BORCS5: variants seen among roughly 807,000 people sequenced by gnomAD.
BORCS5 encodes the protein BLOC-1 related complex subunit 5.
In BORCS5, 17 loss-of-function variants were observed where a neutral mutation model predicts 22.1. The ratio of observed to expected loss-of-function variants is 0.77; its 90% CI spans 0.53 to 1.15. The LOEUF is 1.15. Among genes scored for constraint, BORCS5 ranks in the 50% most tolerant of loss-of-function variants. BORCS5 has a pLI of 0.00. For missense variants in BORCS5, 247 were observed against 253.2 expected (o/e 0.98, Z 0.17); for synonymous variants, 117 against 99.8 (o/e 1.17, Z -1.03).
intron 2 of BORCS5, among the ~76,000 whole-genome samples, chr12:12,387,638 T>C (rs1863911614): frequency 6.6e-6 from 1 of 151,540 alleles, no homozygotes; most frequent in Non-Finnish European, 1.5e-5. Flanking sequence ...CTGCATGATA[T>C]ATTCCTTTTA....
At chr12:12,427,157 C>T (rs1183614308) in intron 2 of BORCS5, among the ~76,000 whole-genome samples, 1 of 144,102 alleles carries the variant, frequency 6.9e-6, no homozygotes, top group Non-Finnish European at 1.5e-5. Context: ...TGGTTTTAGA[C>T]TTTCTCTTTC....
intron 3 of BORCS5, among the ~76,000 whole-genome samples, chr12:12,439,677 A>T (rs1942641348): frequency 6.6e-6 from 1 of 152,214 alleles, no homozygotes; most frequent in Non-Finnish European, 1.5e-5. Context: ...ATTCACTTTG[A>T]ATAGTCAGTA....
At chr12:12,428,572 AG>A (rs1555154371) in intron 2 of BORCS5, among the ~76,000 whole-genome samples, 1 of 26,162 alleles carries the variant, frequency 3.8e-5, no homozygotes, top group Admixed American at 3.1e-4. Context: ...ATTAAACTAA[AG>A]AAGAAGTAGA....
Position 12,358,716 on chromosome 12 carries a change from A to G in BORCS5, c.58+1207A>G, listed in dbSNP as rs115867252. ...TACATATAATTTTTGCAGTAATCCC[A>G]TTTTACAGATAAAGTAGTAGAGGTT... On this transcript the variant is annotated intron_variant, in intron 1 of 3. Transcript: ENST00000314565. 8.6e-3 allele frequency among the ~76,000 whole-genome samples: 1,310 copies of G among 152,264 alleles called. 21 individuals are homozygous for G. The highest frequency in any genetic ancestry group is 0.029 in the African/African-American group (1,213 of 41,552).
intron 2 of BORCS5, among the ~76,000 whole-genome samples, chr12:12,432,725 C>G (rs1248412401): frequency 6.6e-6 from 1 of 152,166 alleles, no homozygotes; most frequent in East Asian, 1.9e-4. Flanking sequence ...ATATCAACAA[C>G]ATAGACACAT....
At chr12:12,395,164 G>C (rs1035372898) in intron 2 of BORCS5, among the ~76,000 whole-genome samples, 12 of 151,992 alleles carry the variant, frequency 7.9e-5, no homozygotes, top group African/African-American at 2.9e-4. Context: ...GAGCAAAGTG[G>C]GTCTGAATAT....
At chr12:12,414,645 A>G (rs1284465095) in intron 2 of BORCS5, among the ~76,000 whole-genome samples, 4 of 65,072 alleles carry the variant, frequency 6.1e-5, no homozygotes, top group Admixed American at 1.4e-4. Context: ...CGGGCAGAGG[A>G]GCCCCTCACC....
intron 2 of BORCS5, among the ~76,000 whole-genome samples, chr12:12,399,964 T>A (rs1941430368): frequency 1.3e-5 from 2 of 152,218 alleles, no homozygotes; most frequent in South Asian, 4.1e-4. Context: ...ATTAGCCAAA[T>A]GTTTGCTAAA....
chr12:12,385,757 C>T (rs1255582048), intron 2 of BORCS5, among the ~76,000 whole-genome samples: 2 of 151,380 alleles, frequency 1.3e-5, no homozygotes, highest in South Asian at 4.2e-4. Flanking sequence ...ATCCGCCTGC[C>T]TCGGCCTCCC....
At chr12:12,376,859 C>T (rs1490439709) in intron 2 of BORCS5, among the ~76,000 whole-genome samples, 1 of 152,148 alleles carries the variant, frequency 6.6e-6, no homozygotes, top group Non-Finnish European at 1.5e-5. Flanking sequence ...GTTGAAACTG[C>T]TGCAACCTGG....
chr12:12,416,713 C>T (rs563702731), intron 2 of BORCS5, among the ~76,000 whole-genome samples: 66 of 151,996 alleles, frequency 4.3e-4, no homozygotes, highest in African/African-American at 1.5e-3. Context: ...CTTCCACCTC[C>T]GCCTACTGAG....
At chr12:12,436,450 C>T (rs1942556860) in intron 3 of BORCS5, among the ~76,000 whole-genome samples, 1 of 152,206 alleles carries the variant, frequency 6.6e-6, no homozygotes, top group Non-Finnish European at 1.5e-5. Flanking sequence ...CTGCACAGCA[C>T]AGTTCTAGGG....
At chr12:12,459,250 A>G (rs1347199475) in intron 3 of BORCS5, among the ~76,000 whole-genome samples, 2 of 151,836 alleles carry the variant, frequency 1.3e-5, no homozygotes, top group Non-Finnish European at 2.9e-5. Context: ...CAATTTAACC[A>G]TTTTTATTTT....
chr12:12,367,715 T>C (rs1863434126), intron 2 of BORCS5, among the ~76,000 whole-genome samples: 1 of 152,218 alleles, frequency 6.6e-6, no homozygotes, highest in South Asian at 2.1e-4. Context: ...TCTTTTCCCT[T>C]ACTCCCATAA....
chr12:12,365,743 G>A (rs1178556789), intron 2 of BORCS5, among the ~76,000 whole-genome samples: 4 of 152,138 alleles, frequency 2.6e-5, no homozygotes, highest in Non-Finnish European at 5.9e-5. Context: ...TATCCCCCAT[G>A]CTTCTACATA....
At chr12:12,465,419 G>A in intron 3 of BORCS5, 127 bp from the exon 4 acceptor site, 2 of 769,694 alleles carry the variant, frequency 2.6e-6, no homozygotes, top group South Asian at 3.5e-5. Flanking sequence ...AGCCCTGGGT[G>A]CTTCCTGTAA....
At chr12:12,357,607 C>G in intron 1 of BORCS5, 98 bp downstream of exon 1, 1 of 1,321,786 alleles carries the variant, frequency 7.6e-7, no homozygotes, top group Non-Finnish European at 1.0e-6. Context: ...GACGGGAACG[C>G]ACAGAAAAAG....
chr12:12,417,617 A>G (rs146478287), intron 2 of BORCS5, among the ~76,000 whole-genome samples: 7 of 152,194 alleles, frequency 4.6e-5, no homozygotes, highest in South Asian at 2.1e-4. Context: ...TTGCTTGACA[A>G]ATTTTGATGG....
chr12:12,465,906 G>T lies in BORCS5; in HGVS notation c.*130G>T. On this transcript the variant is annotated 3_prime_UTR_variant, in exon 4 of 4. Transcript: ENST00000314565. ...GCTCCCTGAAAGTGGGTGCGAAGGAGTCCGGCTGGCATGAAAATCTGACTT... is the reference window on the plus strand; with the variant it reads ...GCTCCCTGAAAGTGGGTGCGAAGGATTCCGGCTGGCATGAAAATCTGACTT... 1.4e-6 allele frequency: 1 copy of T among 705,982 alleles called. No homozygotes were observed. The highest frequency in any genetic ancestry group is 2.3e-6 in the Non-Finnish European group (1 of 433,868). The allele number at this position is 705,982 out of a possible 1,614,324, so 43.7% of individuals were successfully genotyped here. A position where few individuals can be genotyped will look rare whatever the true frequency, so the allele number is the denominator to read the frequency against.
Sources: allele counts gnomAD v4.1 joint callset (sites outside exome capture counted in the v4.1 genomes callset), GRCh38; gene constraint gnomAD v4.1.1; transcripts MANE v1.5; gene names NCBI Gene and HGNC (gene_info 2026-07-23, HGNC 2026-07-21).